COG3: variants seen among roughly 807,000 people sequenced by gnomAD.
COG3 encodes the protein component of oligomeric golgi complex 3.
In COG3, 32 loss-of-function variants were observed where a neutral mutation model predicts 114.1. That is an observed-to-expected ratio of 0.28 (90% CI 0.21 to 0.38). COG3 has a LOEUF of 0.38. Ranked by LOEUF, COG3 falls within the 10% of genes least tolerant of loss-of-function variation. COG3 has a pLI of 1.00. For synonymous variants in COG3, 352 were observed against 365.7 expected, an observed-to-expected ratio of 0.96 and a Z score of 0.43; for missense variants, 813 against 973.2, an observed-to-expected ratio of 0.84 and a Z score of 2.19.
At chr13:45,514,884 G>C (rs1336489917) in intron 16 of COG3, among the ~76,000 whole-genome samples, 1 of 151,958 alleles carries the variant, frequency 6.6e-6, no homozygotes, top group Non-Finnish European at 1.5e-5. Context: ...TCCTTACCTC[G>C]TGATCCGACT....
intron 8 of COG3, among the ~76,000 whole-genome samples, chr13:45,490,321 A>AT (rs1886940979): frequency 6.6e-6 from 1 of 152,204 alleles, no homozygotes; most frequent in African/African-American, 2.4e-5. Flanking sequence ...GGTAGGTGTT[A>AT]TTACACCAGT....
rs34930945 is a variant in COG3, at chr13:45,475,964, CAAA to C, written c.175-224_175-222del. The stretch of plus-strand genomic sequence containing the variant: ...GGATGACAGAGCAAGACCCTGTCAC[CAAA>C]AAAAAAAAAAAAGCTTACTAATGGT... On this transcript the variant is annotated intron_variant, in intron 1 of 22. Coordinates refer to ENST00000349995, the MANE Select transcript of COG3 (RefSeq NM_031431.4). Among the ~76,000 whole-genome samples, 12 of 88,394 alleles carry C rather than the reference CAAA, an allele frequency of 1.4e-4. No homozygotes were observed. The South Asian group carries it at 1.4e-3, about 10-fold the overall frequency. 58.0% of individuals were successfully genotyped at this position (88,394 alleles called of 152,430 possible).
At chr13:45,533,723 G>A (rs936569747) in intron 22 of COG3, among the ~76,000 whole-genome samples, 10 of 152,174 alleles carry the variant, frequency 6.6e-5, no homozygotes, top group African/African-American at 2.4e-4. Flanking sequence ...CAGGTGTCAT[G>A]TCTCTTTAGC....
chr13:45,500,665 T>C (rs1276279793), intron 13 of COG3, among the ~76,000 whole-genome samples: 2 of 152,244 alleles, frequency 1.3e-5, no homozygotes, highest in Admixed American at 6.5e-5. Flanking sequence ...GTTGGTATGA[T>C]ACATTTGCCA....
At chr13:45,498,783 CT>C (rs1555296637) in intron 13 of COG3, among the ~76,000 whole-genome samples, 140 of 102,964 alleles carry the variant, frequency 1.4e-3, no homozygotes, top group Non-Finnish European at 1.6e-3. Flanking sequence ...CTATTTTGTT[CT>C]TTTTTTTTTT....
intron 13 of COG3, among the ~76,000 whole-genome samples, chr13:45,501,898 C>T (rs965633664): frequency 1.3e-5 from 2 of 152,212 alleles, no homozygotes; most frequent in Non-Finnish European, 2.9e-5. Flanking sequence ...CCTAAACTTA[C>T]ATCTCTTCCT....
intron 19 of COG3, among the ~76,000 whole-genome samples, chr13:45,519,962 A>G (rs1334048807): frequency 1.3e-5 from 2 of 152,206 alleles, no homozygotes; most frequent in Non-Finnish European, 2.9e-5. Flanking sequence ...TGTCATTACT[A>G]AGGACTTAAA....
Position 45,535,330 on chromosome 13 carries a change from A to G in COG3, c.*599A>G, listed in dbSNP as rs1555301229. On this transcript the variant is annotated 3_prime_UTR_variant, in exon 23 of 23. Transcript: ENST00000349995. The stretch of plus-strand genomic sequence containing the variant: ...CTGTTTGATGTGAGGTAGTTTAAAG[A>G]TACAAGGACTTTGTGTGAAGCTCCA... 2.0e-6 allele frequency: 2 copies of G among 985,334 alleles called. No individual in the cohort carries two copies. The highest frequency in any genetic ancestry group is 9.4e-5 in the South Asian group (2 of 21,284). The allele number at this position is 985,334 out of a possible 1,614,324, so 61.0% of individuals were successfully genotyped here. A position where few individuals can be genotyped will look rare whatever the true frequency, so the allele number is the denominator to read the frequency against.
chr13:45,510,898 C>T (rs964602970), intron 15 of COG3, among the ~76,000 whole-genome samples: 1 of 152,234 alleles, frequency 6.6e-6, no homozygotes, highest in Non-Finnish European at 1.5e-5. Context: ...GCTCTAATCT[C>T]TCCTTCCTAT....
At chr13:45,481,703 T>C (rs1886257296) in intron 5 of COG3, among the ~76,000 whole-genome samples, 1 of 152,190 alleles carries the variant, frequency 6.6e-6, no homozygotes, top group Admixed American at 6.5e-5. Context: ...TCAAAATGTA[T>C]AGTTGCATCC....
chr13:45,494,319 C>CT (rs934164373), intron 12 of COG3, among the ~76,000 whole-genome samples: 2 of 140,130 alleles, frequency 1.4e-5, no homozygotes, highest in African/African-American at 2.7e-5. Flanking sequence ...CAGCAAGACT[C>CT]TGTCTTAAAA....
At chr13:45,528,303 A>G (rs1872868340) in intron 20 of COG3, among the ~76,000 whole-genome samples, 1 of 151,630 alleles carries the variant, frequency 6.6e-6, no homozygotes, top group Admixed American at 6.6e-5. Flanking sequence ...CGGAGTACCT[A>G]CTCTTTCACC....
In COG3 at chr13:45,480,174, T is replaced by C. The variant is rs1041604141; in HGVS notation, c.433T>C (p.Leu145=). The change falls in exon 4 of 23, where the codon TTG becomes CTG. Residue 145 remains leucine (L), a synonymous_variant. Transcript: ENST00000349995. ...SGFQEQCDAI[L]NDVNSALQHL... is the part of the protein sequence containing the mutation. ...GTTTCAGGAGCAGTGTGATGCTATATTGAATGATGTAAACAGTGCTCTTCA... is the reference window on the plus strand; with the variant it reads ...GTTTCAGGAGCAGTGTGATGCTATACTGAATGATGTAAACAGTGCTCTTCA... The C allele has an allele frequency of 3.1e-6, 5 of 1,613,750 alleles. No homozygotes were observed. The highest frequency in any genetic ancestry group is 1.7e-6 in the Non-Finnish European group (2 of 1,179,816).
At chr13:45,480,074 C>T in intron 3 of COG3, 51 bp from the exon 4 acceptor site, 2 of 1,482,006 alleles carry the variant, frequency 1.3e-6, no homozygotes, top group Non-Finnish European at 1.8e-6. Context: ...TTTTACTGTG[C>T]TTATTGGGGG....
intron 12 of COG3, among the ~76,000 whole-genome samples, chr13:45,495,263 C>G (rs565004778): frequency 4.8e-4 from 73 of 150,538 alleles, no homozygotes; most frequent in Middle Eastern, 6.8e-3. Flanking sequence ...GCTGGGATTA[C>G]AGGCATGAGC....
At chr13:45,512,022 T>A in intron 16 of COG3, 168 bp downstream of exon 16, 1 of 599,852 alleles carries the variant, frequency 1.7e-6, no homozygotes, top group East Asian at 2.9e-5. Flanking sequence ...TAGTGCTAAA[T>A]AAAGACTGTA....
chr13:45,472,574 A>G (rs1293123615), intron 1 of COG3, among the ~76,000 whole-genome samples: 6 of 151,938 alleles, frequency 3.9e-5, no homozygotes, highest in African/African-American at 1.5e-4. Context: ...GGTGATTTTT[A>G]TTGACCTAAC....
At chr13:45,507,373 T>A (rs1022631237) in intron 14 of COG3, among the ~76,000 whole-genome samples, 3 of 152,120 alleles carry the variant, frequency 2.0e-5, no homozygotes, top group Non-Finnish European at 4.4e-5. Flanking sequence ...GGAAGAAATT[T>A]AAAAATTATA....
At chr13:45,507,028 C>A (rs1032988109) in intron 14 of COG3, among the ~76,000 whole-genome samples, 4 of 152,194 alleles carry the variant, frequency 2.6e-5, no homozygotes, top group Non-Finnish European at 5.9e-5. Context: ...GCCCTGGTCC[C>A]GGGGCCTGCT....
Sources: gnomAD v4.1 joint callset for allele counts (sites outside exome capture counted in the v4.1 genomes callset) on GRCh38, gnomAD v4.1.1 for gene constraint, MANE v1.5 for transcripts, NCBI Gene and HGNC (gene_info 2026-07-23, HGNC 2026-07-21) for gene names.